COL11A2: variants seen among roughly 807,000 people sequenced by gnomAD.
COL11A2 encodes collagen alpha-2(XI) chain.
COL11A2 carries 116 observed loss-of-function variants against 273.4 expected under a neutral mutation model. The observed-to-expected ratio is 0.42, with a 90% CI of 0.36 to 0.49. The LOEUF is 0.49. Ranked by LOEUF, COL11A2 falls within the 20% of genes least tolerant of loss-of-function variation. The probability of loss-of-function intolerance (pLI) is 0.00; values close to 1 mark genes in which losing one functional copy is unlikely to be tolerated. For synonymous variants in COL11A2, 782 were observed against 864.2 expected (o/e 0.90, Z 1.67); for missense variants, 1,866 against 2,309.0 (o/e 0.81, Z 3.93).
At position 33,171,120 on chromosome 6, in the gene COL11A2, T is replaced by C; in HGVS notation, c.3360A>G (p.Gly1120=). 1.9e-6 allele frequency: 3 copies of C among 1,583,826 alleles called. No individual in the cohort carries two copies. The highest frequency in any genetic ancestry group is 2.6e-6 in the Non-Finnish European group (3 of 1,163,972). Residue 1120 remains glycine, a synonymous_variant, in exon 45 of 66, where the codon GGA becomes GGG. Coordinates refer to ENST00000341947, the MANE Select transcript of COL11A2 (RefSeq NM_080680.3). ...GGGTGGAGGGGTCACTCACCGCTGC[T>C]CCAGGCTGCCCCACAGGACCAATGG... The part of the protein sequence containing the change: ...PGPIGPVGQP[G]AAGADGEPGA...
rs1437735072 is a variant in COL11A2 at position 33,179,115 on chromosome 6, T to A, written c.1569A>T (p.Gly523=). ...SGDLGPQGPR[G]PQGLTGPPGK... is the part of the protein sequence containing the mutation. ...CAGGAGGGCCTGTGAGGCCCTGAGG[T>A]CCTCTGGGGCCCTGGTGAGAGGAGA... Residue 523 remains glycine (G), a synonymous_variant, in exon 16 of 66, where the codon GGA becomes GGT. Coordinates refer to ENST00000341947, the MANE Select transcript of COL11A2 (RefSeq NM_080680.3). This position sits in a 1 kb window ranked among gnomAD's most constrained non-coding sequence, Gnocchi z 6.4. The A allele has an allele frequency of 6.2e-7, 1 of 1,613,636 alleles. No individual in the cohort carries two copies. Among genetic ancestry groups the A allele is most frequent in the South Asian group, 1.1e-5 (1 of 91,046 alleles).
chr6:33,166,628 C>A lies in COL11A2; in HGVS notation c.4339-62G>T. 6.2e-7 allele frequency: 1 copy of A among 1,611,554 alleles called. No individual in the cohort carries two copies. Among genetic ancestry groups the A allele is most frequent in the Non-Finnish European group, 8.5e-7 (1 of 1,178,246 alleles). ...TCCCACACCCTCCTGAGCACCTGCT[C>A]GCTTACCCACAGCTGAGTCCCAACT... On this transcript the variant is annotated intron_variant, in intron 59 of 65. Coordinates refer to ENST00000341947, the MANE Select transcript of COL11A2 (RefSeq NM_080680.3). This position sits in a 1 kb window ranked among gnomAD's most constrained non-coding sequence, Gnocchi z 4.8.
At position 33,177,460 on chromosome 6, in the gene COL11A2, G is replaced by C. The variant is rs1562353730; in HGVS notation, c.1923C>G (p.Pro641=). The change falls in exon 23 of 66, where the codon CCC becomes CCG. Residue 641 remains proline, a synonymous_variant. Transcript: ENST00000341947. This position sits in a 1 kb window ranked among gnomAD's most constrained non-coding sequence, Gnocchi z 5.9. ...GPQGPKGSLG[P]QGEPGPPGQQ... ...GTCCAGGAGGTCCTGGCTCTCCCTG[G>C]GGTCCCTAGAAACAGGTGACCAGGC... 9 of 1,612,900 alleles carry C rather than the reference G, an allele frequency of 5.6e-6. 1 individual carries two copies. The highest frequency in any genetic ancestry group is 1.7e-4 in the Middle Eastern group (1 of 6,060).
At chr6:33,171,349 A>G (rs372976474) in intron 43 of COL11A2, 25 bp from the exon 44 acceptor site, 1 of 1,614,046 alleles carries the variant, frequency 6.2e-7, no homozygotes, top group Non-Finnish European at 8.5e-7. Flanking sequence ...CAGACAAGAT[A>G]TTAGAGAAAG....
Position 33,189,970 on chromosome 6 carries a change from G to A in COL11A2, c.83-501C>T, listed in dbSNP as rs377233561. ...TCTCTGGGTCTCTGGCATCTGTCCC[G>A]TCTCCAGCACAAACAACATCTGGGC... On this transcript the variant is annotated intron_variant, in intron 1 of 65. Coordinates refer to ENST00000341947, the MANE Select transcript of COL11A2 (RefSeq NM_080680.3). The surrounding 1 kb of genome is among the most constrained non-coding windows in gnomAD (Gnocchi z 5.6). Among the ~76,000 whole-genome samples the A allele has an allele frequency of 3.3e-5, 5 of 151,874 alleles. No individual in the cohort carries two copies. The highest frequency in any genetic ancestry group is 1.9e-4 in the East Asian group (1 of 5,188).
Position 33,170,354 on chromosome 6 carries a change from C to T in COL11A2, c.3554G>A (p.Arg1185Gln), listed in dbSNP as rs771004504. The T allele has an allele frequency of 9.3e-6, 15 of 1,613,688 alleles. No individual in the cohort carries two copies. Among genetic ancestry groups the T allele is most frequent in the Admixed American group, 8.3e-5 (5 of 59,976 alleles). ...PMGPPGPPGP[R>Q]GPAGPNGADG... ...AGCGCCATTGGGTCCAGCTGGACCT[C>T]GAGGTCCTGGGGGGCCAGGTGGTCC... The change falls in exon 48 of 66, where the codon CGA (arginine) becomes CAA (glutamine). Residue 1185 changes from arginine (R) to glutamine (Q), a missense_variant. Transcript: ENST00000341947. The surrounding 1 kb of genome is among the most constrained non-coding windows in gnomAD (Gnocchi z 4.3).
rs377599938 is a variant in COL11A2 at position 33,176,089 on chromosome 6, G to C, written c.2215-20C>G. 7.4e-5 allele frequency: 120 copies of C among 1,613,002 alleles called. No homozygotes were observed. The African/African-American group carries it at 1.5e-3, about 20-fold the overall frequency. ...CTCACCCTGAGAAAGATAGAGGTGA[G>C]AGGGCACCACAGATGACAGAGGGCT... On this transcript the variant is annotated intron_variant, in intron 28 of 65. Coordinates refer to ENST00000341947, the MANE Select transcript of COL11A2 (RefSeq NM_080680.3). The surrounding 1 kb of genome is among the most constrained non-coding windows in gnomAD (Gnocchi z 4.9).
Position 33,168,996 on chromosome 6 carries a change from A to T in COL11A2, c.3811T>A (p.Phe1271Ile). 1 of 1,609,058 alleles carries T rather than the reference A, an allele frequency of 6.2e-7. No individual in the cohort carries two copies. Among genetic ancestry groups the T allele is most frequent in the Non-Finnish European group, 8.5e-7 (1 of 1,177,918 alleles). Residue 1271 changes from phenylalanine (F) to isoleucine (I), a missense_variant, in exon 52 of 66, where the codon TTT (phenylalanine) becomes ATT (isoleucine). Transcript: ENST00000341947. ...GPKGNPGPVGFPGDPGPPGEG... is the reference protein window; with the variant it reads ...GPKGNPGPVGIPGDPGPPGEG... ...CCAGGGGGGCCAGGGTCACCAGGAA[A>T]ACCAACAGGACCCTGATCCAGATGG...
At position 33,189,289 on chromosome 6, in the gene COL11A2, C is replaced by A; in HGVS notation, c.232+31G>T. On this transcript the variant is annotated intron_variant, in intron 2 of 65. Coordinates refer to ENST00000341947, the MANE Select transcript of COL11A2 (RefSeq NM_080680.3). The surrounding 1 kb of genome is among the most constrained non-coding windows in gnomAD (Gnocchi z 5.6). ...TCCTAGGCCCCATCCCATTACCTCC[C>A]CCCAGGCCTACCCCACCATGTCACC... 6.2e-7 allele frequency: 1 copy of A among 1,614,036 alleles called. No homozygotes were observed.
chr6:33,170,332 G>A lies in COL11A2; in HGVS notation c.3576C>T (p.Gly1192=), dbSNP rs138380958. 2,630 of 1,613,574 alleles carry A rather than the reference G, an allele frequency of 1.6e-3. 3 individuals are homozygous for A. Among genetic ancestry groups the A allele is most frequent in the Middle Eastern group, 3.8e-3 (23 of 6,062 alleles). The change falls in exon 48 of 66, where the codon GGC becomes GGT. Residue 1192 remains glycine, a synonymous_variant. Transcript: ENST00000341947. This position sits in a 1 kb window ranked among gnomAD's most constrained non-coding sequence, Gnocchi z 4.3. ...PGPRGPAGPN[G]ADGPQGPPGG... is the part of the protein sequence containing the mutation. ...AGGGGCTGAGATGACTCACATCAGC[G>A]CCATTGGGTCCAGCTGGACCTCGAG...
chr6:33,192,756 T>A (rs1262416118), upstream of COL11A2, among the ~76,000 whole-genome samples: 1 of 151,270 alleles, frequency 6.6e-6, no homozygotes, highest in Non-Finnish European at 1.5e-5. Flanking sequence ...ATTCCCTCCC[T>A]CTTGGGGGCC....
At chr6:33,172,716 T>G (rs2150552749) in intron 38 of COL11A2, 79 bp from the exon 39 acceptor site, 1 of 1,236,396 alleles carries the variant, frequency 8.1e-7, no homozygotes, top group African/African-American at 1.5e-5. Flanking sequence ...CTGGCCACCC[T>G]AAAACACTCC....
In COL11A2 at chr6:33,167,570, A is replaced by G; in HGVS notation, c.4015-37T>C. On this transcript the variant is annotated intron_variant, in intron 55 of 65. Transcript: ENST00000341947. The surrounding 1 kb of genome is among the most constrained non-coding windows in gnomAD (Gnocchi z 6.1). Reference sequence around the variant, plus strand: ...ACAAGGAATGTGTCCTGAATGGCAGAGGAGTGGGGTGTGGGCAGGGGGCAG... The same window carrying G: ...ACAAGGAATGTGTCCTGAATGGCAGGGGAGTGGGGTGTGGGCAGGGGGCAG... 1 of 1,608,780 alleles carries G rather than the reference A, an allele frequency of 6.2e-7. No individual in the cohort carries two copies. The highest frequency in any genetic ancestry group is 8.5e-7 in the Non-Finnish European group (1 of 1,177,316).
intron 3 of COL11A2, 83 bp from the exon 4 acceptor site, chr6:33,188,607 G>T: frequency 6.6e-7 from 1 of 1,520,624 alleles, no homozygotes; most frequent in Non-Finnish European, 9.1e-7. Context: ...AGTGATAAGA[G>T]TTGAAGCCAA....
In COL11A2 at chr6:33,165,657, C is replaced by T. The variant is rs370282196; in HGVS notation, c.4642G>A (p.Asp1548Asn). 6 of 1,612,234 alleles carry T rather than the reference C, an allele frequency of 3.7e-6. No homozygotes were observed. The highest frequency in any genetic ancestry group is 2.7e-5 in the African/African-American group (2 of 74,850). ...GGLEEIFGSL[D>N]SLREEIEQMR... ...TGCTCGATCTCCTCCCGCAGGGAGT[C>T]GAGTGAGCCAAAGATCTCCTCCAGC... Residue 1548 changes from aspartate (D) to asparagine (N), a missense_variant, in exon 63 of 66, where the codon GAC (aspartate) becomes AAC (asparagine). Transcript: ENST00000341947. The surrounding 1 kb of genome is among the most constrained non-coding windows in gnomAD (Gnocchi z 7.7).
rs1185993420 is a variant in COL11A2, at chr6:33,171,952, G to T, written c.3042+98C>A. On this transcript the variant is annotated intron_variant, in intron 41 of 65. Transcript: ENST00000341947. Reference sequence around the variant, plus strand: ...GCTGTCCCTGGACAGCCTCTGCCCAGCCCCACAGCCCCTGGTGGTATCAGA... The same window carrying T: ...GCTGTCCCTGGACAGCCTCTGCCCATCCCCACAGCCCCTGGTGGTATCAGA... 4.5e-6 allele frequency: 7 copies of T among 1,547,352 alleles called. No individual in the cohort carries two copies. In the African/African-American group the frequency reaches 6.8e-5, roughly 15 times the overall value.
intron 43 of COL11A2, 59 bp from the exon 44 acceptor site, chr6:33,171,383 G>T: frequency 5.6e-6 from 9 of 1,611,610 alleles, no homozygotes; most frequent in Non-Finnish European, 6.8e-6. Context: ...TGGGAAGGAT[G>T]ACATGACAGG....
Position 33,178,256 on chromosome 6 carries a change from C to T in COL11A2, c.1818+52G>A, listed in dbSNP as rs1030651417. On this transcript the variant is annotated intron_variant, in intron 20 of 65. Transcript: ENST00000341947. The surrounding 1 kb of genome is among the most constrained non-coding windows in gnomAD (Gnocchi z 4.6). ...GTGTCCCTTTAGTGCTCATGTCCCC[C>T]TCCTGGCTTCCCCAGAGCCCCCTCC... 6.8e-6 allele frequency: 11 copies of T among 1,612,670 alleles called. No homozygotes were observed. In the African/African-American group the frequency reaches 1.3e-4, roughly 20 times the overall value.
Position 33,164,250 on chromosome 6 carries a change from G to C in COL11A2, c.5070+17C>G. On this transcript the variant is annotated intron_variant, in intron 65 of 65. Transcript: ENST00000341947. The surrounding 1 kb of genome is among the most constrained non-coding windows in gnomAD (Gnocchi z 4.7). ...GAGTCTGAGATCAGCCCCCAACCCAGCTCTTCCTGTTCCCACCTGGCAGCC... is the reference window on the plus strand; with the variant it reads ...GAGTCTGAGATCAGCCCCCAACCCACCTCTTCCTGTTCCCACCTGGCAGCC... The C allele has an allele frequency of 1.9e-6, 3 of 1,612,518 alleles. No individual in the cohort carries two copies. The highest frequency in any genetic ancestry group is 1.7e-6 in the Non-Finnish European group (2 of 1,179,824).
Sources: gnomAD v4.1 joint callset for allele counts (sites outside exome capture counted in the v4.1 genomes callset) on GRCh38, gnomAD v4.1.1 for gene constraint, Gnocchi (gnomAD v3.1) non-coding constraint, MANE v1.5 for transcripts, NCBI Gene and HGNC (gene_info 2026-07-23, HGNC 2026-07-21) for gene names.